The following IFT43 variants were observed in gnomAD, a reference collection of about 807,000 sequenced individuals.
The protein encoded by IFT43 is intraflagellar transport protein 43 homolog.
IFT43 carries 33 observed loss-of-function variants against 32.3 expected under a neutral mutation model. The ratio of observed to expected loss-of-function variants is 1.02; its 90% CI spans 0.77 to 1.37. The LOEUF is 1.37. IFT43 is among the 40% of genes most tolerant of loss of function. The pLI, the probability that IFT43 is intolerant of heterozygous loss-of-function variation, is 0.00. For missense variants in IFT43, 274 were observed against 265.9 expected, an observed-to-expected ratio of 1.03 and a Z score of -0.21; for synonymous variants, 93 against 98.2, an observed-to-expected ratio of 0.95 and a Z score of 0.31.
At position 76,005,280 on chromosome 14, in the gene IFT43, G is replaced by A. The variant is rs978191562; in HGVS notation, c.147+16303G>A. On this transcript the variant is annotated intron_variant, in intron 2 of 8. Coordinates refer to ENST00000314067, the MANE Select transcript of IFT43 (RefSeq NM_001102564.3). ...CTTAAACTTGTGGGAACTTGGTTTC[G>A]GACTGTGTTAGGTTGGGTGTATTTT... Among the ~76,000 whole-genome samples the A allele has an allele frequency of 2.2e-4, 34 of 152,154 alleles. 1 individual carries two copies. The highest frequency in any genetic ancestry group is 4.6e-4 in the African/African-American group (19 of 41,432).
intron 4 of IFT43, chr14:76,059,036 A>C: frequency 7.0e-7 from 1 of 1,422,382 alleles, no homozygotes; most frequent in East Asian, 2.6e-5. Flanking sequence ...AGTTTTCTAG[A>C]TAAAGGTGCT....
chr14:76,022,495 A>G (rs936124588), intron 3 of IFT43, 101 bp downstream of exon 3: 1 of 713,924 alleles, frequency 1.4e-6, no homozygotes, highest in Admixed American at 2.3e-5. Flanking sequence ...TTATTGAGAA[A>G]AAATTTATAT....
At chr14:76,040,491 G>A (rs2036687025) in intron 3 of IFT43, among the ~76,000 whole-genome samples, 1 of 152,276 alleles carries the variant, frequency 6.6e-6, no homozygotes, top group Admixed American at 6.5e-5. Context: ...TTCTCATTGA[G>A]GATTTGGGTG....
Position 75,985,801 on chromosome 14 carries a change from C to G in IFT43, c.15C>G (p.Leu5=), listed in dbSNP as rs774694107. 2.5e-6 allele frequency: 4 copies of G among 1,614,026 alleles called. No homozygotes were observed. In the African/African-American group the frequency reaches 4.0e-5, roughly 16 times the overall value. MEDL[L]DLDEELRYSL... Reference sequence around the variant, plus strand: ...CGGCCGCGGAGATGGAGGATTTGCTCGACTTGGACGAGGAGCTTCGCTACA... The same window carrying G: ...CGGCCGCGGAGATGGAGGATTTGCTGGACTTGGACGAGGAGCTTCGCTACA... The change falls in exon 1 of 9, where the codon CTC becomes CTG. Residue 5 remains leucine, a synonymous_variant. Transcript: ENST00000314067.
rs558374415 is a variant in IFT43, at chr14:75,994,923, T to C, written c.147+5946T>C. On this transcript the variant is annotated intron_variant, in intron 2 of 8. Coordinates refer to ENST00000314067, the MANE Select transcript of IFT43 (RefSeq NM_001102564.3). ...TTCTACTGAGTTTGGGCAAAAGTAA[T>C]CTTTGGCAAAACCTCTCCAGGGCTA... 2.0e-5 allele frequency among the ~76,000 whole-genome samples: 3 copies of C among 152,348 alleles called. No individual in the cohort carries two copies. The South Asian group carries it at 6.2e-4, about 32-fold the overall frequency.
intron 3 of IFT43, chr14:76,058,159 C>T (rs1171357077): frequency 8.8e-6 from 2 of 226,396 alleles, no homozygotes; most frequent in Non-Finnish European, 1.7e-5. Flanking sequence ...TCAGAAGGTC[C>T]TCTCGTCCTT....
At chr14:76,023,662 C>T (rs997677788) in intron 3 of IFT43, among the ~76,000 whole-genome samples, 6 of 152,218 alleles carry the variant, frequency 3.9e-5, no homozygotes, top group African/African-American at 1.4e-4. Context: ...ATTCTTCTCA[C>T]AGGCATTCTG....
chr14:76,044,187 G>T (rs1187604324), intron 3 of IFT43, among the ~76,000 whole-genome samples: 1 of 151,800 alleles, frequency 6.6e-6, no homozygotes. Flanking sequence ...TTACAGGCAT[G>T]TACCACCACG....
intron 2 of IFT43, among the ~76,000 whole-genome samples, chr14:76,001,206 C>T (rs1443570010): frequency 2.6e-5 from 4 of 152,172 alleles, no homozygotes; most frequent in Non-Finnish European, 5.9e-5. Context: ...AGTCCTGAAG[C>T]TTATGCAATT....
intron 2 of IFT43, among the ~76,000 whole-genome samples, chr14:75,999,425 G>A (rs2035842005): frequency 6.7e-6 from 1 of 148,652 alleles, no homozygotes; most frequent in South Asian, 2.1e-4. Context: ...ATCACACCTG[G>A]CACATTTATA....
At position 76,001,419 on chromosome 14, in the gene IFT43, C is replaced by T. The variant is rs535515555; in HGVS notation, c.147+12442C>T. ...TCCTGATTGGAACCTAGCTTCCCCT[C>T]GCTATCTAGAATTCTCTGTAACTTC... On this transcript the variant is annotated intron_variant, in intron 2 of 8. Transcript: ENST00000314067. 8.5e-5 allele frequency among the ~76,000 whole-genome samples: 13 copies of T among 152,292 alleles called. No individual in the cohort carries two copies. In the South Asian group the frequency reaches 1.9e-3, roughly 22 times the overall value.
chr14:76,048,393 A>G (rs571612277), intron 3 of IFT43, among the ~76,000 whole-genome samples: 138 of 152,354 alleles, frequency 9.1e-4, no homozygotes, highest in Non-Finnish European at 1.3e-3. Flanking sequence ...GCTGAAAGCC[A>G]GGAGGGAATG....
chr14:76,041,368 C>T (rs1046087164), intron 3 of IFT43, among the ~76,000 whole-genome samples: 4 of 152,192 alleles, frequency 2.6e-5, no homozygotes, highest in Admixed American at 6.5e-5. Context: ...AGCACAGCCA[C>T]CTATGGAATA....
At chr14:76,009,893 C>T (rs1401196730) in intron 2 of IFT43, among the ~76,000 whole-genome samples, 2 of 152,082 alleles carry the variant, frequency 1.3e-5, no homozygotes, top group Non-Finnish European at 2.9e-5. Context: ...CTCCTGGGTT[C>T]CAGCGATTCT....
At chr14:76,053,616 T>C (rs548484730) in intron 3 of IFT43, among the ~76,000 whole-genome samples, 1 of 152,256 alleles carries the variant, frequency 6.6e-6, no homozygotes, top group East Asian at 1.9e-4. Context: ...CAGTCTTTGC[T>C]CCCTCACCCT....
intron 1 of IFT43, 71 bp from the exon 2 acceptor site, chr14:75,988,814 G>A (rs1465937451): frequency 1.2e-5 from 19 of 1,609,650 alleles, no homozygotes; most frequent in East Asian, 6.7e-5. Context: ...CACTGCGCCC[G>A]GCTGGATTGT....
chr14:76,076,577 GA>G (rs2037416339), intron 5 of IFT43: 2 of 1,613,946 alleles, frequency 1.2e-6, no homozygotes, highest in Admixed American at 3.3e-5. Context: ...TCCAATCTAA[GA>G]AGTCACTTTC....
At chr14:76,025,278 A>G (rs1200586577) in intron 3 of IFT43, among the ~76,000 whole-genome samples, 1 of 152,112 alleles carries the variant, frequency 6.6e-6, no homozygotes, top group African/African-American at 2.4e-5. Context: ...GAAGTCAGAG[A>G]TGATACAAAC....
intron 4 of IFT43, 86 bp downstream of exon 4, chr14:76,058,760 C>T (rs1283532632): frequency 1.2e-6 from 2 of 1,603,946 alleles, no homozygotes; most frequent in South Asian, 1.1e-5. Flanking sequence ...TCTGTTCCAC[C>T]TATGTTGAAC....
Sources: gnomAD v4.1 joint callset for allele counts (sites outside exome capture counted in the v4.1 genomes callset) on GRCh38, gnomAD v4.1.1 for gene constraint, MANE v1.5 for transcripts, NCBI Gene and HGNC (gene_info 2026-07-23, HGNC 2026-07-21) for gene names.